Variants in GPR157 observed in about 807,000 individuals in gnomAD.
GPR157 encodes G-protein coupled receptor 157.
Under a neutral mutation model 23.5 loss-of-function variants are expected in GPR157, and 16 were observed. The ratio of observed to expected loss-of-function variants is 0.68; its 90% CI spans 0.46 to 1.04. GPR157 has a LOEUF of 1.04. Among genes scored for constraint, GPR157 ranks in the 50% least tolerant of loss-of-function variants. The pLI is 0.00. For missense variants in GPR157, 440 were observed against 460.7 expected (o/e 0.96, Z 0.41); for synonymous variants, 200 against 221.5 (o/e 0.90, Z 0.86).
At position 9,129,035 on chromosome 1, in the gene GPR157, G is replaced by C; in HGVS notation, c.-8C>G. The C allele has an allele frequency of 7.9e-7, 1 of 1,261,642 alleles. No individual in the cohort carries two copies. Among genetic ancestry groups the C allele is most frequent in the Non-Finnish European group, 9.9e-7 (1 of 1,006,130 alleles). 78.2% of individuals were successfully genotyped at this position (1,261,642 alleles called of 1,614,324 possible). A position where few individuals can be genotyped will look rare whatever the true frequency, so the allele number is the denominator to read the frequency against. ...CGGCGGGGACGGCTGCATGGCGTGG[G>C]GGGCCAGGAGCCGGAGCGCCGCGAG... is the stretch of plus-strand genomic sequence containing the variant. On this transcript the variant is annotated 5_prime_UTR_variant, in exon 1 of 4. Transcript: ENST00000377411.
At chr1:9,122,929 G>C (rs1638829622) in intron 1 of GPR157, among the ~76,000 whole-genome samples, 1 of 151,816 alleles carries the variant, frequency 6.6e-6, no homozygotes, top group Non-Finnish European at 1.5e-5. Context: ...GGCTGAGGTG[G>C]GTGGATCACT....
At position 9,101,547 on chromosome 1, in the gene GPR157, T is replaced by C. The variant is rs1642567274; in HGVS notation, c.*2872A>G. The C allele has an allele frequency of 6.6e-6, 1 of 152,248 alleles. No individual in the cohort carries two copies. Among genetic ancestry groups the C allele is most frequent in the Non-Finnish European group, 1.5e-5 (1 of 68,050 alleles). 9.4% of individuals were successfully genotyped at this position (152,248 alleles called of 1,614,324 possible). On this transcript the variant is annotated 3_prime_UTR_variant, in exon 4 of 4. Transcript: ENST00000377411. ...TGCCCTGCCCACCTGGTCACCACCA[T>C]TCACAGTGATCACTCATCTGTGGCA...
chr1:9,123,431 T>C (rs1638873005), intron 1 of GPR157, among the ~76,000 whole-genome samples: 1 of 115,222 alleles, frequency 8.7e-6, no homozygotes, highest in Non-Finnish European at 1.6e-5. Context: ...AAAATATATA[T>C]ATTTAATTTA....
At chr1:9,125,186 C>A (rs950069842) in intron 1 of GPR157, among the ~76,000 whole-genome samples, 2 of 152,148 alleles carry the variant, frequency 1.3e-5, no homozygotes, top group African/African-American at 4.8e-5. Flanking sequence ...GTAATCACCC[C>A]ACCCATCCAT....
rs1639010995 is a variant in GPR157 at position 9,128,387 on chromosome 1, T to C, written c.383+258A>G. The stretch of plus-strand genomic sequence containing the variant: ...CCCGTCCAAGGAAACAGGGCCCGGC[T>C]CTGGGGGCGAACTCTGTCCCCACTA... On this transcript the variant is annotated intron_variant, in intron 1 of 3. Transcript: ENST00000377411. This position sits in a 1 kb window ranked among gnomAD's most constrained non-coding sequence, Gnocchi z 6.3. 2.9e-6 allele frequency: 2 copies of C among 688,694 alleles called. No individual in the cohort carries two copies. Among genetic ancestry groups the C allele is most frequent in the Non-Finnish European group, 5.3e-6 (2 of 376,246 alleles). 42.7% of individuals were successfully genotyped at this position (688,694 alleles called of 1,614,324 possible).
At chr1:9,107,003 C>G (rs532357495) in intron 2 of GPR157, among the ~76,000 whole-genome samples, 2 of 152,142 alleles carry the variant, frequency 1.3e-5, no homozygotes, top group Non-Finnish European at 2.9e-5. Context: ...AATAACTGCA[C>G]GTGCACTTCC....
Position 9,104,276 on chromosome 1 carries a change from G to A in GPR157, c.*143C>T. On this transcript the variant is annotated 3_prime_UTR_variant, in exon 4 of 4. Transcript: ENST00000377411. The stretch of plus-strand genomic sequence containing the variant: ...GGTAGAAGAAGCTGAGTTGGCAGCT[G>A]CTCTCCCAATGGAGCCGAGAGCATC... 2 of 635,344 alleles carry A rather than the reference G, an allele frequency of 3.1e-6. No homozygotes were observed. The highest frequency in any genetic ancestry group is 2.0e-5 in the South Asian group (1 of 49,634). 39.4% of individuals were successfully genotyped at this position (635,344 alleles called of 1,614,324 possible).
chr1:9,111,410 C>A lies in GPR157; in HGVS notation c.463G>T (p.Gly155Cys). The A allele has an allele frequency of 1.2e-6, 2 of 1,614,200 alleles. No homozygotes were observed. Among genetic ancestry groups the A allele is most frequent in the South Asian group, 2.2e-5 (2 of 91,084 alleles). ...GCCTCCAGGTCGATCCAGCACCAGC[C>A]CACAGACACGTCCGAGGCGTCATAG... ...IGYDASDVSVGWCWIDLEAKD... is the reference protein window; with the variant it reads ...IGYDASDVSVCWCWIDLEAKD... The change falls in exon 2 of 4, where the codon GGC becomes TGC. Residue 155 changes from glycine to cysteine, a missense_variant. Physicochemically the swap from Gly to Cys is radical, Grantham distance 159. Coordinates refer to ENST00000377411, the MANE Select transcript of GPR157 (RefSeq NM_024980.5).
rs575046033 is a variant in GPR157, at chr1:9,120,688, G to A, written c.383+7957C>T. ...GGGAGAGGAATGTCTAAAGGAACTC[G>A]CAGATGCACACTCATGCCCTAGTGC... On this transcript the variant is annotated intron_variant, in intron 1 of 3. Transcript: ENST00000377411. The surrounding 1 kb of genome is among the most constrained non-coding windows in gnomAD (Gnocchi z 4.1). Among the ~76,000 whole-genome samples the A allele has an allele frequency of 1.3e-5, 2 of 152,230 alleles. No individual in the cohort carries two copies. The highest frequency in any genetic ancestry group is 1.9e-4 in the East Asian group (1 of 5,184).
chr1:9,107,023 C>T (rs941426760), intron 2 of GPR157, among the ~76,000 whole-genome samples: 2 of 152,120 alleles, frequency 1.3e-5, no homozygotes, highest in African/African-American at 2.4e-5. Flanking sequence ...CTAGACAGTC[C>T]CATCCTCACG....
chr1:9,107,782 T>C (rs1638378644), intron 2 of GPR157, among the ~76,000 whole-genome samples: 1 of 151,898 alleles, frequency 6.6e-6, no homozygotes, highest in East Asian at 1.9e-4. Context: ...AAAAAAATTA[T>C]CGAGGCATGG....
intron 1 of GPR157, 54 bp from the exon 2 acceptor site, chr1:9,111,543 T>C: frequency 4.7e-6 from 7 of 1,484,334 alleles, no homozygotes; most frequent in Non-Finnish European, 6.6e-6. Context: ...CTCCCGGCAA[T>C]GTCAGCCTTC....
chr1:9,117,581 G>A (rs1028520429), intron 1 of GPR157, among the ~76,000 whole-genome samples: 9 of 152,194 alleles, frequency 5.9e-5, no homozygotes, highest in Non-Finnish European at 8.8e-5. Context: ...CCAACATGGC[G>A]AAACCCCATC....
At chr1:9,114,724 G>A (rs370264353) in intron 1 of GPR157, among the ~76,000 whole-genome samples, 12 of 152,220 alleles carry the variant, frequency 7.9e-5, no homozygotes, top group African/African-American at 2.9e-4. Flanking sequence ...CCAAAGGGAA[G>A]GTCAAATAGG....
Position 9,128,626 on chromosome 1 carries a change from C to A in GPR157, c.383+19G>T. 6.2e-7 allele frequency: 1 copy of A among 1,610,564 alleles called. No individual in the cohort carries two copies. Among genetic ancestry groups the A allele is most frequent in the African/African-American group, 1.3e-5 (1 of 75,024 alleles). On this transcript the variant is annotated intron_variant, in intron 1 of 3. Coordinates refer to ENST00000377411, the MANE Select transcript of GPR157 (RefSeq NM_024980.5). This position sits in a 1 kb window ranked among gnomAD's most constrained non-coding sequence, Gnocchi z 6.3. ...CCTGTGTCGGGGGCTCCTGGAAAAG[C>A]AGCGCCACCGCCACCCACCTGACGA...
At chr1:9,106,381 G>A (rs199813907) in intron 2 of GPR157, among the ~76,000 whole-genome samples, 3 of 151,906 alleles carry the variant, frequency 2.0e-5, no homozygotes, top group African/African-American at 4.8e-5. Context: ...TTGAAAACCC[G>A]AGTCTGCTCC....
rs151308656 is a variant in GPR157 at position 9,104,692 on chromosome 1, C to T, written c.793-58G>A. On this transcript the variant is annotated intron_variant, in intron 3 of 3. Transcript: ENST00000377411. Reference sequence around the variant, plus strand: ...CTGGAGTTGGTCTCAGAAACACACGCGCTGTTGCAATTAAGAGAAACGGCT... The same window carrying T: ...CTGGAGTTGGTCTCAGAAACACACGTGCTGTTGCAATTAAGAGAAACGGCT... The T allele has an allele frequency of 4.3e-5, 56 of 1,307,224 alleles. 1 individual carries two copies. The highest frequency in any genetic ancestry group is 5.1e-4 in the Middle Eastern group (2 of 3,890). The allele number at this position is 1,307,224 out of a possible 1,614,324, so 81.0% of individuals were successfully genotyped here.
chr1:9,123,283 TTTAAATTAATATATA>T (rs1557700678), intron 1 of GPR157, among the ~76,000 whole-genome samples: 1 of 29,364 alleles, frequency 3.4e-5, no homozygotes, highest in African/African-American at 1.0e-4. Flanking sequence ...TAAATATATA[TTTAAATTAATATATA>T]TTTAATTTAA....
chr1:9,104,253 TAGA>T lies in GPR157; in HGVS notation c.*163_*165del, dbSNP rs1642606320. ...ACTTGCTGCCTGAGGATCTAGGAGG[TAGA>T]AGAAGCTGAGTTGGCAGCTGCTCTC... On this transcript the variant is annotated 3_prime_UTR_variant, in exon 4 of 4. Coordinates refer to ENST00000377411, the MANE Select transcript of GPR157 (RefSeq NM_024980.5). The T allele has an allele frequency of 1.7e-6, 1 of 598,326 alleles. No individual in the cohort carries two copies. The highest frequency in any genetic ancestry group is 2.8e-5 in the East Asian group (1 of 36,046). The allele number at this position is 598,326 out of a possible 1,614,324, so 37.1% of individuals were successfully genotyped here.
Sources: allele counts gnomAD v4.1 joint callset (sites outside exome capture counted in the v4.1 genomes callset), GRCh38; gene constraint gnomAD v4.1.1; non-coding constraint Gnocchi (gnomAD v3.1); transcripts MANE v1.5; gene names NCBI Gene and HGNC (gene_info 2026-07-23, HGNC 2026-07-21).